CAMK2A: variants seen among roughly 807,000 people sequenced by gnomAD.
CAMK2A encodes calcium/calmodulin dependent protein kinase II alpha.
A neutral mutation model predicts 79.2 loss-of-function variants in CAMK2A; 7 were observed. That is an observed-to-expected ratio of 0.09 (90% confidence interval 0.05 to 0.17). The LOEUF (loss-of-function observed/expected upper bound fraction) is 0.17. Among genes scored for constraint, CAMK2A ranks in the 10% least tolerant of loss-of-function variants. The probability of loss-of-function intolerance (pLI) is 1.00; values close to 1 mark genes in which losing one functional copy is unlikely to be tolerated. For missense variants in CAMK2A, 214 were observed against 646.4 expected, an observed-to-expected ratio of 0.33 and a Z score of 7.25; for synonymous variants, 242 against 251.7, an observed-to-expected ratio of 0.96 and a Z score of 0.36.
intron 10 of CAMK2A, 36 bp downstream of exon 10, chr5:150,250,652 G>T (rs1755791194): frequency 6.2e-7 from 1 of 1,612,560 alleles, no homozygotes; most frequent in Admixed American, 1.7e-5. Context: ...AGGTCTGGAG[G>T]GGCTCCTGGG....
At chr5:150,287,858 T>G (rs1006753780) in intron 1 of CAMK2A, among the ~76,000 whole-genome samples, 6 of 151,998 alleles carry the variant, frequency 3.9e-5, no homozygotes, top group African/African-American at 1.5e-4. Context: ...AAGCTGAAAG[T>G]CTGCAGATAA....
At chr5:150,264,836 C>A in intron 3 of CAMK2A, 120 bp downstream of exon 3, 2 of 745,130 alleles carry the variant, frequency 2.7e-6, no homozygotes, top group Non-Finnish European at 4.9e-6. Flanking sequence ...ATCTCTGCTG[C>A]CTCCATCCCC....
rs770786673 is a variant in CAMK2A at position 150,264,940 on chromosome 5, A to T, written c.217+16T>A. On this transcript the variant is annotated intron_variant, in intron 3 of 18. Transcript: ENST00000671881. ...GGCCTGGCTCCCCTGCGCCCCTCTC[A>T]TCCCACAAGGCTCACCGATGTTGGG... The T allele has an allele frequency of 5.0e-6, 8 of 1,611,738 alleles. 1 individual carries two copies. The South Asian group carries it at 8.8e-5, about 18-fold the overall frequency.
chr5:150,228,165 G>C (rs773120233), intron 17 of CAMK2A, 27 bp downstream of exon 17: 3 of 1,565,050 alleles, frequency 1.9e-6, no homozygotes, highest in Non-Finnish European at 2.6e-6. Flanking sequence ...CAGACAACAG[G>C]CACCACAGAG....
At chr5:150,233,901 C>T (rs112255310) in intron 15 of CAMK2A, among the ~76,000 whole-genome samples, 27,114 of 152,176 alleles carry the variant, frequency 0.18, 2,815 homozygotes, top group Admixed American at 0.25. Context: ...CAACCTCCCC[C>T]TCGTGGGTTC....
chr5:150,238,533 T>A lies in CAMK2A; in HGVS notation c.1066+167A>T, dbSNP rs1184957963. The A allele has an allele frequency of 6.8e-5, 48 of 703,564 alleles. No homozygotes were observed. The East Asian group carries it at 1.3e-3, about 19-fold the overall frequency. 43.6% of individuals were successfully genotyped at this position (703,564 alleles called of 1,614,324 possible). On this transcript the variant is annotated intron_variant, in intron 15 of 18. Coordinates refer to ENST00000671881, the MANE Select transcript of CAMK2A (RefSeq NM_015981.4). ...GTTCCAGTACCACCCCCGCCCTCCA[T>A]GGGAATGATGCCTCCCAGTGTGCCC... is the stretch of plus-strand genomic sequence containing the variant.
intron 2 of CAMK2A, among the ~76,000 whole-genome samples, chr5:150,269,025 C>T (rs1161866042): frequency 6.6e-6 from 1 of 151,970 alleles, no homozygotes; most frequent in Non-Finnish European, 1.5e-5. Flanking sequence ...CTCCGCCTCC[C>T]AAAGTGCTGG....
chr5:150,270,218 A>G (rs1365111793), intron 2 of CAMK2A, among the ~76,000 whole-genome samples: 1 of 152,204 alleles, frequency 6.6e-6, no homozygotes, highest in African/African-American at 2.4e-5. Context: ...TTTTTAATGC[A>G]GGGGCTTGGG....
chr5:150,268,640 C>T (rs1468804884), intron 2 of CAMK2A, among the ~76,000 whole-genome samples: 1 of 152,238 alleles, frequency 6.6e-6, no homozygotes, highest in Non-Finnish European at 1.5e-5. Flanking sequence ...TTGGTCACTG[C>T]CACGTTCCCA....
Position 150,256,453 on chromosome 5 carries a change from C to T in CAMK2A, c.411+120G>A. The T allele has an allele frequency of 1.5e-6, 1 of 686,876 alleles. No individual in the cohort carries two copies. Among genetic ancestry groups the T allele is most frequent in the Non-Finnish European group, 2.5e-6 (1 of 394,710 alleles). The allele number at this position is 686,876 out of a possible 1,614,324, so 42.5% of individuals were successfully genotyped here. A position where few individuals can be genotyped will look rare whatever the true frequency, so the allele number is the denominator to read the frequency against. ...GGGAAAATAATCTCACCCACCCCAC[C>T]TTCCAGCCTAACACAGAGAAATTAA... On this transcript the variant is annotated intron_variant, in intron 6 of 18. Coordinates refer to ENST00000671881, the MANE Select transcript of CAMK2A (RefSeq NM_015981.4). This position sits in a 1 kb window ranked among gnomAD's most constrained non-coding sequence, Gnocchi z 4.6.
At chr5:150,234,131 C>A (rs1219104415) in intron 15 of CAMK2A, among the ~76,000 whole-genome samples, 3 of 152,162 alleles carry the variant, frequency 2.0e-5, no homozygotes, top group Non-Finnish European at 2.9e-5. Flanking sequence ...TCTTTCTTGC[C>A]ACTCCCACAT....
chr5:150,263,480 C>T (rs549415151), intron 3 of CAMK2A, among the ~76,000 whole-genome samples: 1 of 150,700 alleles, frequency 6.6e-6, no homozygotes, highest in African/African-American at 2.5e-5. Flanking sequence ...TCCACACACT[C>T]TCACATACAC....
intron 2 of CAMK2A, among the ~76,000 whole-genome samples, chr5:150,271,331 C>T (rs1336325791): frequency 1.3e-5 from 2 of 152,230 alleles, no homozygotes; most frequent in Non-Finnish European, 1.5e-5. Context: ...TCTGCTGATC[C>T]TCTTTGACCT....
In CAMK2A at chr5:150,288,024, T is replaced by C. The variant is rs182009154; in HGVS notation, c.62+1540A>G. Among the ~76,000 whole-genome samples the C allele has an allele frequency of 3.3e-5, 5 of 150,628 alleles. No individual in the cohort carries two copies. In the East Asian group the frequency reaches 9.9e-4, roughly 30 times the overall value. ...GTCACAGGGCCACCTCCCACACATA[T>C]GCAGACACCAGCATGAGCTCACACA... On this transcript the variant is annotated intron_variant, in intron 1 of 18. Transcript: ENST00000671881.
intron 15 of CAMK2A, among the ~76,000 whole-genome samples, chr5:150,236,132 G>A (rs201929462): frequency 1.3e-4 from 20 of 152,134 alleles, no homozygotes; most frequent in African/African-American, 2.9e-4. Flanking sequence ...CATCCTGATC[G>A]CTCTAAAGCA....
intron 6 of CAMK2A, among the ~76,000 whole-genome samples, chr5:150,255,748 TGGA>T (rs951344063): frequency 6.6e-6 from 1 of 152,230 alleles, no homozygotes; most frequent in African/African-American, 2.4e-5. Flanking sequence ...AAGCAGGAGC[TGGA>T]TAGAGTGACC....
At chr5:150,272,646 C>T (rs981673822) in intron 2 of CAMK2A, among the ~76,000 whole-genome samples, 1 of 151,794 alleles carries the variant, frequency 6.6e-6, no homozygotes, top group Non-Finnish European at 1.5e-5. Context: ...TCAGGAAAAC[C>T]TCTCAAAGGA....
chr5:150,262,603 T>C lies in CAMK2A; in HGVS notation c.217+2353A>G, dbSNP rs1461434529. On this transcript the variant is annotated intron_variant, in intron 3 of 18. Coordinates refer to ENST00000671881, the MANE Select transcript of CAMK2A (RefSeq NM_015981.4). ...ACCTTGGCATGGGGTGGGTCTACGA[T>C]GCACCTGACATCAGGTGAATGAAGG... 2.0e-5 allele frequency among the ~76,000 whole-genome samples: 3 copies of C among 152,150 alleles called. No homozygotes were observed. In the East Asian group the frequency reaches 5.8e-4, roughly 29 times the overall value.
chr5:150,245,883 A>C (rs2114055452), intron 12 of CAMK2A, among the ~76,000 whole-genome samples: 2 of 151,046 alleles, frequency 1.3e-5, no homozygotes, highest in South Asian at 2.1e-4. Flanking sequence ...ATTTCCCCTT[A>C]CCTCCCTCCT....
Sources: gnomAD v4.1 joint callset for allele counts (sites outside exome capture counted in the v4.1 genomes callset) on GRCh38, gnomAD v4.1.1 for gene constraint, Gnocchi (gnomAD v3.1) non-coding constraint, MANE v1.5 for transcripts, NCBI Gene and HGNC (gene_info 2026-07-23, HGNC 2026-07-21) for gene names.